SEMA3D: variants seen among roughly 807,000 people sequenced by gnomAD.
SEMA3D encodes semaphorin 3D.
A neutral mutation model predicts 100.1 loss-of-function variants in SEMA3D; 84 were observed. That is an observed-to-expected ratio of 0.84 (90% CI 0.70 to 1.01). SEMA3D has a LOEUF of 1.01. Among genes scored for constraint, SEMA3D ranks in the 50% least tolerant of loss-of-function variants. The probability of loss-of-function intolerance (pLI) is 0.00; values close to 1 mark genes in which losing one functional copy is unlikely to be tolerated. For synonymous variants in SEMA3D, 312 were observed against 320.7 expected (o/e 0.97, Z 0.29); for missense variants, 875 against 934.1 (o/e 0.94, Z 0.82).
chr7:85,010,212 A>G (rs1789913716), intron 17 of SEMA3D, among the ~76,000 whole-genome samples: 1 of 151,818 alleles, frequency 6.6e-6, no homozygotes, highest in Non-Finnish European at 1.5e-5. Flanking sequence ...TACTAAGTGA[A>G]TCTAGCAACA....
intron 2 of SEMA3D, among the ~76,000 whole-genome samples, chr7:85,147,394 C>A (rs1790247705): frequency 6.6e-6 from 1 of 152,038 alleles, no homozygotes; most frequent in African/African-American, 2.4e-5. Context: ...AGGTGATTCA[C>A]CCACCTCAGC....
chr7:85,051,819 T>A lies in SEMA3D; in HGVS notation c.861+3898A>T, dbSNP rs1791174004. On this transcript the variant is annotated intron_variant, in intron 9 of 18. Coordinates refer to ENST00000284136, the MANE Select transcript of SEMA3D (RefSeq NM_001384900.1). Reference sequence around the variant, plus strand: ...GCACATGTTCCTGGTCCATGTTGTATCTTCCAGGAATCACAATTACCAAGG... The same window carrying A: ...GCACATGTTCCTGGTCCATGTTGTAACTTCCAGGAATCACAATTACCAAGG... 3.3e-5 allele frequency among the ~76,000 whole-genome samples: 5 copies of A among 152,078 alleles called. No homozygotes were observed. In the South Asian group the frequency reaches 1.0e-3, roughly 31 times the overall value.
intron 2 of SEMA3D, among the ~76,000 whole-genome samples, chr7:85,133,232 CAACATA>C (rs1789776207): frequency 1.3e-5 from 2 of 151,994 alleles, no homozygotes; most frequent in South Asian, 4.2e-4. Context: ...AGTTCTCTAT[CAACATA>C]GTAGTATCAG....
chr7:85,198,994 C>T, the SEMA3D span, among the ~76,000 whole-genome samples: 2 of 151,244 alleles, frequency 1.3e-5, no homozygotes, highest in Non-Finnish European at 3.0e-5. Context: ...GTAGTGTTTT[C>T]GTTAACATTA....
At chr7:85,213,640 C>A in the SEMA3D span, among the ~76,000 whole-genome samples, 2 of 150,952 alleles carry the variant, frequency 1.3e-5, no homozygotes, top group African/African-American at 5.0e-5. Context: ...AAAGGGAATT[C>A]TCTTCAGTTC....
the SEMA3D span, among the ~76,000 whole-genome samples, chr7:85,203,634 G>A: frequency 1.4e-4 from 22 of 152,148 alleles, no homozygotes; most frequent in Non-Finnish European, 2.4e-4. Context: ...ATGTGAGAAT[G>A]TCAGCAGTGT....
chr7:85,238,279 C>T, the SEMA3D span, among the ~76,000 whole-genome samples: 9 of 152,106 alleles, frequency 5.9e-5, no homozygotes, highest in African/African-American at 1.9e-4. Flanking sequence ...AAGTTATTGC[C>T]ATACCCAATG....
chr7:85,195,028 G>A, the SEMA3D span, among the ~76,000 whole-genome samples: 1 of 152,196 alleles, frequency 6.6e-6, no homozygotes, highest in South Asian at 2.1e-4. Context: ...TGAATTGGTG[G>A]AGGTCACAAT....
chr7:85,206,460 C>A, the SEMA3D span, among the ~76,000 whole-genome samples: 4 of 152,046 alleles, frequency 2.6e-5, no homozygotes, highest in Admixed American at 6.6e-5. Context: ...TGTTGAACAT[C>A]ATATGCCTAT....
intron 4 of SEMA3D, among the ~76,000 whole-genome samples, chr7:85,086,215 A>G (rs1318737056): frequency 6.6e-6 from 1 of 152,172 alleles, no homozygotes; most frequent in Non-Finnish European, 1.5e-5. Flanking sequence ...TTTAGACTCT[A>G]AACATTTACT....
the SEMA3D span, among the ~76,000 whole-genome samples, chr7:85,196,117 G>T: frequency 1.3e-5 from 2 of 152,124 alleles, no homozygotes; most frequent in Admixed American, 1.3e-4. Context: ...AATGATGAAT[G>T]AAATATTAAG....
At chr7:85,199,418 C>A in the SEMA3D span, among the ~76,000 whole-genome samples, 1 of 152,048 alleles carries the variant, frequency 6.6e-6, no homozygotes, top group South Asian at 2.1e-4. Context: ...CTTGTAGTTT[C>A]TACTATATAA....
At chr7:85,163,670 G>A (rs78050314) in intron 1 of SEMA3D, among the ~76,000 whole-genome samples, 4,719 of 151,994 alleles carry the variant, frequency 0.031, 100 homozygotes, top group South Asian at 0.072. Context: ...ATGGAAAATG[G>A]GCAAAGAAGC....
the SEMA3D span, among the ~76,000 whole-genome samples, chr7:85,233,892 A>G: frequency 6.6e-6 from 1 of 152,220 alleles, no homozygotes; most frequent in Non-Finnish European, 1.5e-5. Flanking sequence ...ACTCATAGCA[A>G]CATAAGAGCC....
intron 12 of SEMA3D, among the ~76,000 whole-genome samples, chr7:85,033,715 A>C (rs1790609124): frequency 6.6e-6 from 1 of 151,900 alleles, no homozygotes; most frequent in African/African-American, 2.4e-5. Flanking sequence ...AAACAAATAA[A>C]AACAAACAAA....
chr7:85,102,938 A>G (rs936222832), intron 3 of SEMA3D, among the ~76,000 whole-genome samples: 3 of 152,104 alleles, frequency 2.0e-5, no homozygotes, highest in Non-Finnish European at 2.9e-5. Context: ...CTGGGGTATT[A>G]TCATTTCCAA....
the SEMA3D span, among the ~76,000 whole-genome samples, chr7:85,239,386 C>T: frequency 1.2e-4 from 19 of 152,160 alleles, no homozygotes; most frequent in Non-Finnish European, 1.6e-4. Context: ...AGTGGGGCAT[C>T]GTCTCGAAGC....
chr7:85,145,005 G>T (rs1790162019), intron 2 of SEMA3D, among the ~76,000 whole-genome samples: 1 of 152,072 alleles, frequency 6.6e-6, no homozygotes, highest in Admixed American at 6.6e-5. Context: ...TGTTTATAAA[G>T]CACGGAGGAA....
chr7:85,175,841 T>A (rs796913601), intron 1 of SEMA3D, among the ~76,000 whole-genome samples: 3 of 152,116 alleles, frequency 2.0e-5, no homozygotes, highest in African/African-American at 7.2e-5. Context: ...GGAGATAGTG[T>A]GGTCAAAACA....
Sources: allele counts gnomAD v4.1 joint callset (sites outside exome capture counted in the v4.1 genomes callset), GRCh38; gene constraint gnomAD v4.1.1; transcripts MANE v1.5; gene names NCBI Gene and HGNC (gene_info 2026-07-23, HGNC 2026-07-21).